MMP26: variants seen among roughly 807,000 people sequenced by gnomAD.
MMP26 encodes the protein matrix metallopeptidase 26.
A neutral mutation model predicts 31.0 loss-of-function variants in MMP26; 33 were observed. That is an observed-to-expected ratio of 1.06 (90% CI 0.81 to 1.42). The LOEUF is 1.42. Ranked by LOEUF, MMP26 falls within the 40% of genes most tolerant of loss-of-function variation. MMP26 has a pLI of 0.00. For synonymous variants in MMP26, 122 were observed against 114.9 expected (o/e 1.06, Z -0.40); for missense variants, 347 against 316.1 (o/e 1.10, Z -0.74).
At chr11:4,987,444 A>G (rs1232940985) in intron 2 of MMP26, among the ~76,000 whole-genome samples, 1 of 148,116 alleles carries the variant, frequency 6.8e-6, no homozygotes, top group Non-Finnish European at 1.5e-5. Flanking sequence ...TTTGAGACGG[A>G]GTCTCCCTCT....
At position 4,982,006 on chromosome 11, in the gene MMP26, C is replaced by A. The variant is rs563190160; in HGVS notation, c.-144-6062C>A. ...AACAACAATTCCTTCTTCTGAAATA[C>A]CTCCTGACTGACCTGCCTGAAGTTG... On this transcript the variant is annotated intron_variant, in intron 2 of 7. Transcript: ENST00000380390. Among the ~76,000 whole-genome samples, 93 of 151,788 alleles carry A rather than the reference C, an allele frequency of 6.1e-4. 1 individual carries two copies. The highest frequency in any genetic ancestry group is 2.2e-3 in the African/African-American group (91 of 41,388).
chr11:4,761,208 C>T (rs1442489532), intron 1 of MMP26, among the ~76,000 whole-genome samples: 1 of 152,208 alleles, frequency 6.6e-6, no homozygotes, highest in Non-Finnish European at 1.5e-5. Flanking sequence ...TTTAATTTCA[C>T]TTCCAATAAA....
chr11:4,939,045 G>T (rs1287965347), intron 2 of MMP26, among the ~76,000 whole-genome samples: 1 of 151,998 alleles, frequency 6.6e-6, no homozygotes, highest in Admixed American at 6.6e-5. Flanking sequence ...GTTGATATAT[G>T]TTTCTTAAAT....
rs565959600 is a variant in MMP26, at chr11:4,911,705, C to T, written c.-144-76363C>T. Among the ~76,000 whole-genome samples the T allele has an allele frequency of 3.6e-4, 55 of 152,258 alleles. No individual in the cohort carries two copies. The South Asian group carries it at 4.1e-3, about 11-fold the overall frequency. On this transcript the variant is annotated intron_variant, in intron 2 of 7. Coordinates refer to ENST00000380390, the MANE Select transcript of MMP26 (RefSeq NM_021801.5). ...TTGTTCACAATTTTGTTCAGAAAAG[C>T]CCCTCTTTATAGAGGCCTTCCCTGC...
At chr11:4,774,833 AT>A (rs1564906833) in intron 2 of MMP26, among the ~76,000 whole-genome samples, 1 of 151,890 alleles carries the variant, frequency 6.6e-6, no homozygotes, top group South Asian at 2.1e-4. Flanking sequence ...TCCAGTTTCA[AT>A]TTTTTGCAAA....
chr11:4,742,867 A>T (rs2133293892), intron 1 of MMP26, among the ~76,000 whole-genome samples: 1 of 152,266 alleles, frequency 6.6e-6, no homozygotes, highest in South Asian at 2.1e-4. Context: ...TATGTGAATT[A>T]TTTCATTGAA....
rs12277882 is a variant in MMP26 at position 4,757,496 on chromosome 11, A to T, written c.-216-9774A>T. Among the ~76,000 whole-genome samples the T allele has an allele frequency of 5.2e-3, 791 of 152,172 alleles. 6 individuals carry two copies. Among genetic ancestry groups the T allele is most frequent in the African/African-American group, 0.018 (744 of 41,570 alleles). Reference sequence around the variant, plus strand: ...CAATATCAGACTTCAAACAAAAAAAAGTACAATTTAAAAGTCACCATTAAG... The same window carrying T: ...CAATATCAGACTTCAAACAAAAAAATGTACAATTTAAAAGTCACCATTAAG... On this transcript the variant is annotated intron_variant, in intron 1 of 7. Coordinates refer to ENST00000380390, the MANE Select transcript of MMP26 (RefSeq NM_021801.5).
intron 2 of MMP26, chr11:4,914,779 A>G (rs369476748): frequency 6.2e-7 from 1 of 1,614,060 alleles, no homozygotes; most frequent in Non-Finnish European, 8.5e-7. Context: ...CACTGTAGAC[A>G]ATGGGATTCA....
intron 1 of MMP26, among the ~76,000 whole-genome samples, chr11:4,762,122 T>A (rs910495795): frequency 6.6e-6 from 1 of 152,248 alleles, no homozygotes; most frequent in African/African-American, 2.4e-5. Flanking sequence ...AACCAATATT[T>A]ACTTGATAAG....
At chr11:4,894,007 A>G (rs1240286044) in intron 2 of MMP26, among the ~76,000 whole-genome samples, 2 of 152,206 alleles carry the variant, frequency 1.3e-5, no homozygotes, top group African/African-American at 2.4e-5. Context: ...AGTGCAATAT[A>G]CAAAATACAT....
At chr11:4,849,631 C>T (rs1329077339) in intron 2 of MMP26, among the ~76,000 whole-genome samples, 2 of 152,136 alleles carry the variant, frequency 1.3e-5, no homozygotes, top group Non-Finnish European at 2.9e-5. Context: ...AAGATACTTA[C>T]ATTTTGGTGC....
chr11:4,869,451 A>G (rs912784960), intron 2 of MMP26, among the ~76,000 whole-genome samples: 20 of 152,242 alleles, frequency 1.3e-4, no homozygotes, highest in Admixed American at 9.2e-4. Context: ...TATGCAGCCA[A>G]CAGACACATG....
chr11:4,859,503 G>T (rs567836665), intron 2 of MMP26: 8 of 358,122 alleles, frequency 2.2e-5, no homozygotes, highest in African/African-American at 1.5e-4. Flanking sequence ...ACCCACTCCT[G>T]CATTTCCCCA....
intron 2 of MMP26, among the ~76,000 whole-genome samples, chr11:4,898,902 A>T (rs927741153): frequency 2.0e-5 from 3 of 149,378 alleles, no homozygotes; most frequent in South Asian, 2.1e-4. Context: ...AACTGTAAGA[A>T]TGTGAAGGAA....
intron 2 of MMP26, among the ~76,000 whole-genome samples, chr11:4,940,689 C>T (rs966976172): frequency 3.9e-5 from 6 of 152,148 alleles, no homozygotes; most frequent in Non-Finnish European, 5.9e-5. Flanking sequence ...TAAACGTTGA[C>T]TCAAGGGACA....
At chr11:4,745,575 G>T (rs542430144) in intron 1 of MMP26, among the ~76,000 whole-genome samples, 1 of 152,104 alleles carries the variant, frequency 6.6e-6, no homozygotes, top group South Asian at 2.1e-4. Flanking sequence ...ACATTTGTAC[G>T]TTCGTCACTA....
intron 5 of MMP26, 95 bp from the exon 6 acceptor site, chr11:4,991,276 C>A (rs1192044707): frequency 7.0e-7 from 1 of 1,433,452 alleles, no homozygotes; most frequent in Admixed American, 2.0e-5. Context: ...TAGACTGTTG[C>A]ACAGTATCCT....
intron 2 of MMP26, among the ~76,000 whole-genome samples, chr11:4,874,266 T>C (rs945761284): frequency 3.3e-5 from 5 of 152,072 alleles, no homozygotes; most frequent in African/African-American, 1.2e-4. Context: ...TAAATGCATA[T>C]GTCTAGGGGC....
At chr11:4,755,251 CA>C (rs2133304650) in intron 1 of MMP26, among the ~76,000 whole-genome samples, 1 of 151,500 alleles carries the variant, frequency 6.6e-6, no homozygotes, top group African/African-American at 2.4e-5. Flanking sequence ...AAAAAAAACA[CA>C]AGCAGCACTG....
Sources: gnomAD v4.1 joint callset for allele counts (sites outside exome capture counted in the v4.1 genomes callset) on GRCh38, gnomAD v4.1.1 for gene constraint, MANE v1.5 for transcripts, NCBI Gene and HGNC (gene_info 2026-07-23, HGNC 2026-07-21) for gene names.